The following IFT122 variants were observed in gnomAD, a reference collection of about 807,000 sequenced individuals.
IFT122 encodes intraflagellar transport 122, also known as intraflagellar transport protein 122 homolog.
IFT122 carries 118 observed loss-of-function variants against 161.6 expected under a neutral mutation model. That is an observed-to-expected ratio of 0.73 (90% CI 0.63 to 0.85). The LOEUF is 0.85. Ranked by LOEUF, IFT122 falls within the 40% of genes least tolerant of loss-of-function variation. IFT122 has a pLI of 0.00. For missense variants in IFT122, 1,381 were observed against 1,579.6 expected (o/e 0.87, Z 2.13); for synonymous variants, 550 against 602.4 (o/e 0.91, Z 1.27).
At chr3:129,467,109 C>G (rs775819020) in intron 8 of IFT122, 43 bp downstream of exon 8, 2 of 1,575,208 alleles carry the variant, frequency 1.3e-6, no homozygotes, top group Non-Finnish European at 8.7e-7. Context: ...GGTAAGGGCC[C>G]AGGCCCCACA....
At chr3:129,443,817 T>G (rs2073599683) in intron 1 of IFT122, among the ~76,000 whole-genome samples, 3 of 152,226 alleles carry the variant, frequency 2.0e-5, no homozygotes, top group Non-Finnish European at 2.9e-5. Context: ...GAAGGCAAAT[T>G]TCAAGATATT....
intron 1 of IFT122, among the ~76,000 whole-genome samples, chr3:129,448,535 G>A (rs1293353467): frequency 5.9e-5 from 9 of 152,076 alleles, no homozygotes; most frequent in South Asian, 4.2e-4. Context: ...CGTGGCCAGC[G>A]CCATGTTGCC....
At position 129,500,053 on chromosome 3, in the gene IFT122, A is replaced by G. The variant is rs752368761; in HGVS notation, c.2360A>G (p.His787Arg). 6.8e-6 allele frequency: 11 copies of G among 1,614,086 alleles called. No homozygotes were observed. The highest frequency in any genetic ancestry group is 2.7e-5 in the African/African-American group (2 of 74,930). ...AAGGCCATCGAGATCTGTGGTGACC[A>G]TGGCTGGGTTGACATGTAGGTTTTG... The part of the protein sequence containing the change: ...HVKAIEICGD[H>R]GWVDMLIDIA... Residue 787 changes from histidine (H) to arginine (R), a missense_variant, in exon 19 of 30, where the codon CAT (histidine) becomes CGT (arginine). Physicochemically the swap from His to Arg is conservative, Grantham distance 29. Transcript: ENST00000348417.
intron 20 of IFT122, among the ~76,000 whole-genome samples, chr3:129,503,572 G>A (rs1297902518): frequency 4.7e-5 from 7 of 149,404 alleles, no homozygotes; most frequent in Admixed American, 1.3e-4. Context: ...ATCCTCCCCC[G>A]ACTCACCCAC....
intron 3 of IFT122, 29 bp downstream of exon 3, chr3:129,452,027 C>G (rs769409756): frequency 7.0e-7 from 1 of 1,419,126 alleles, no homozygotes; most frequent in African/African-American, 1.4e-5. Flanking sequence ...TTTCCATTCT[C>G]TATAATAGCC....
intron 3 of IFT122, among the ~76,000 whole-genome samples, chr3:129,457,425 T>C (rs2075644020): frequency 6.6e-6 from 1 of 152,200 alleles, no homozygotes; most frequent in South Asian, 2.1e-4. Flanking sequence ...CTCCGTTCCA[T>C]GATGACTCCG....
At chr3:129,495,349 C>T in intron 17 of IFT122, 97 bp from the exon 18 acceptor site, 3 of 1,531,276 alleles carry the variant, frequency 2.0e-6, no homozygotes, top group African/African-American at 2.7e-5. Flanking sequence ...TAGGAAGGCC[C>T]AGGGGCCTCA....
chr3:129,478,156 A>T lies in IFT122; in HGVS notation c.1288A>T (p.Ile430Phe), dbSNP rs151080965. Residue 430 changes from isoleucine to phenylalanine, a missense_variant, in exon 12 of 30, where the codon ATT becomes TTT. This residue lies in a region of IFT122 where 544 missense variants were observed against 648.0 expected (regional missense o/e 0.84). Transcript: ENST00000348417. ...CATGCATTACCGGGTAAAGGAGAAG[A>T]TTATCAAGAAGTTTGAGTGCAACCT... ...SDMHYRVKEKIIKKFECNLLV... is the reference protein window; with the variant it reads ...SDMHYRVKEKFIKKFECNLLV... The T allele has an allele frequency of 5.0e-6, 8 of 1,614,114 alleles. No homozygotes were observed. The highest frequency in any genetic ancestry group is 1.6e-4 in the Middle Eastern group (1 of 6,084).
intron 19 of IFT122, 123 bp from the exon 20 acceptor site, chr3:129,502,588 A>G (rs1435885638): frequency 1.8e-6 from 2 of 1,103,826 alleles, no homozygotes; most frequent in Non-Finnish European, 1.4e-6. Flanking sequence ...ATAACTACCC[A>G]CTGAGCAACT....
chr3:129,515,434 G>A, intron 25 of IFT122, 54 bp from the exon 26 acceptor site: 1 of 1,172,148 alleles, frequency 8.5e-7, no homozygotes, highest in Non-Finnish European at 1.2e-6. Flanking sequence ...GAGTCCAGGG[G>A]GAGGAGGACA....
intron 13 of IFT122, among the ~76,000 whole-genome samples, chr3:129,480,817 T>C (rs956204817): frequency 2.6e-5 from 4 of 152,082 alleles, no homozygotes; most frequent in African/African-American, 9.7e-5. Context: ...ACATATTTCA[T>C]AGGGCTGTCA....
At chr3:129,520,092 T>G in intron 29 of IFT122, 84 bp from the exon 30 acceptor site, 1 of 1,137,792 alleles carries the variant, frequency 8.8e-7, no homozygotes, top group Non-Finnish European at 1.3e-6. Flanking sequence ...CCCCCTCCCC[T>G]TGAGAGGCAG....
intron 11 of IFT122, 148 bp downstream of exon 11, chr3:129,476,949 T>TTG (rs2078024848): frequency 1.4e-6 from 1 of 700,604 alleles, no homozygotes; most frequent in African/African-American, 2.0e-5. Context: ...TGTTTTCTTT[T>TTG]TTTTTTTTTT....
rs202155515 is a variant in IFT122, at chr3:129,476,649, C to T, written c.1009-14C>T. 177 of 1,614,098 alleles carry T rather than the reference C, an allele frequency of 1.1e-4. No homozygotes were observed. Among genetic ancestry groups the T allele is most frequent in the Admixed American group, 3.3e-5 (2 of 59,998 alleles). ...TCCAGAGAGCTGGGAATTGACAGTTCTCTCACCCCGCAGGTGGTCGGCTGC... is the reference window on the plus strand; with the variant it reads ...TCCAGAGAGCTGGGAATTGACAGTTTTCTCACCCCGCAGGTGGTCGGCTGC... On this transcript the variant is annotated splice_polypyrimidine_tract_variant and intron_variant, in intron 10 of 29. Transcript: ENST00000348417.
intron 26 of IFT122, among the ~76,000 whole-genome samples, chr3:129,516,162 C>G (rs1462393373): frequency 8.8e-6 from 1 of 113,724 alleles, no homozygotes; most frequent in African/African-American, 3.4e-5. Flanking sequence ...ACACAGAGAC[C>G]GCCCCTGCAC....
chr3:129,498,803 G>A (rs1461316001), intron 18 of IFT122, among the ~76,000 whole-genome samples: 2 of 152,136 alleles, frequency 1.3e-5, no homozygotes, highest in African/African-American at 2.4e-5. Context: ...TTATTCCTGA[G>A]ACAAACCACT....
At chr3:129,506,360 G>T in intron 21 of IFT122, 49 bp from the exon 22 acceptor site, 1 of 1,606,164 alleles carries the variant, frequency 6.2e-7, no homozygotes, top group South Asian at 1.1e-5. Context: ...CCTCCTGTGT[G>T]ACTTCCTAAA....
chr3:129,491,662 G>T (rs542550016), intron 16 of IFT122, among the ~76,000 whole-genome samples: 157 of 152,186 alleles, frequency 1.0e-3, no homozygotes, highest in Admixed American at 1.9e-3. Context: ...TGGTACCAGG[G>T]GCTCTGGGTC....
At chr3:129,470,339 C>T (rs1169809509) in intron 9 of IFT122, among the ~76,000 whole-genome samples, 1 of 152,064 alleles carries the variant, frequency 6.6e-6, no homozygotes, top group Non-Finnish European at 1.5e-5. Flanking sequence ...TCTTGGCTCA[C>T]TGCAAGCTCC....
Sources: allele counts gnomAD v4.1 joint callset (sites outside exome capture counted in the v4.1 genomes callset), GRCh38; gene constraint gnomAD v4.1.1; regional missense constraint gnomAD v4.1.1; transcripts MANE v1.5; gene names NCBI Gene and HGNC (gene_info 2026-07-23, HGNC 2026-07-21).